The following DIP2C variants were observed in gnomAD, a reference collection of about 807,000 sequenced individuals.
DIP2C encodes the protein DIP2 acetate--CoA ligase C (putative).
DIP2C carries 33 observed loss-of-function variants against 192.4 expected under a neutral mutation model. The ratio of observed to expected loss-of-function variants is 0.17; its 90% CI spans 0.13 to 0.23. DIP2C has a LOEUF of 0.23. Among genes scored for constraint, DIP2C ranks in the 10% least tolerant of loss-of-function variants. The pLI, the probability that DIP2C is intolerant of heterozygous loss-of-function variation, is 1.00. For synonymous variants in DIP2C, 979 were observed against 864.1 expected (o/e 1.13, Z -2.33); for missense variants, 1,537 against 2,110.1 (o/e 0.73, Z 5.32).
intron 21 of DIP2C, among the ~76,000 whole-genome samples, chr10:362,947 C>T (rs1490969489): frequency 6.6e-6 from 1 of 152,116 alleles, no homozygotes; most frequent in African/African-American, 2.4e-5. Flanking sequence ...TTCTCAAGAT[C>T]AAACAAAAAG....
rs1182198278 is a variant in DIP2C at position 523,346 on chromosome 10, CCT to C, written c.86-36818_86-36817del. On this transcript the variant is annotated intron_variant, in intron 1 of 36. Coordinates refer to ENST00000280886, the MANE Select transcript of DIP2C (RefSeq NM_014974.3). ...CTCGTTTCTACCGGATGCAAAGGAC[CCT>C]GGAGTGACGATGCAGGGACTCTGTG... is the stretch of plus-strand genomic sequence containing the variant. Among the ~76,000 whole-genome samples the C allele has an allele frequency of 3.2e-3, 463 of 146,706 alleles. 1 individual carries two copies. The highest frequency in any genetic ancestry group is 7.9e-3 in the Middle Eastern group (2 of 252).
At position 360,170 on chromosome 10, in the gene DIP2C, G is replaced by C. The variant is rs148052680; in HGVS notation, c.2795-2233C>G. ...CATCTCCACGTGCATCCTCTGAATG[G>C]AAGTTTGGGACCTTGAATGCCTCCC... On this transcript the variant is annotated intron_variant, in intron 22 of 36. Coordinates refer to ENST00000280886, the MANE Select transcript of DIP2C (RefSeq NM_014974.3). Among the ~76,000 whole-genome samples the C allele has an allele frequency of 3.4e-3, 523 of 152,310 alleles. 2 individuals carry two copies. Among genetic ancestry groups the C allele is most frequent in the South Asian group, 0.014 (69 of 4,824 alleles).
At chr10:333,962 A>G (rs757219456) in intron 29 of DIP2C, among the ~76,000 whole-genome samples, 3 of 152,086 alleles carry the variant, frequency 2.0e-5, no homozygotes, top group Non-Finnish European at 2.9e-5. Flanking sequence ...TGAGATATCT[A>G]TTCAGATCTC....
intron 24 of DIP2C, among the ~76,000 whole-genome samples, chr10:351,399 G>T (rs1421197105): frequency 6.6e-6 from 1 of 152,212 alleles, no homozygotes; most frequent in Non-Finnish European, 1.5e-5. Flanking sequence ...TGTGGGGAAA[G>T]TATACTCTCC....
chr10:544,489 T>C (rs974446545), intron 1 of DIP2C, among the ~76,000 whole-genome samples: 4 of 152,218 alleles, frequency 2.6e-5, no homozygotes, highest in African/African-American at 7.2e-5. Flanking sequence ...ATTTTATGCT[T>C]AACTTTTCTG....
At chr10:284,793 G>C (rs991054494) in intron 34 of DIP2C, among the ~76,000 whole-genome samples, 1 of 152,100 alleles carries the variant, frequency 6.6e-6, no homozygotes, top group Non-Finnish European at 1.5e-5. Flanking sequence ...ACTCGGTCGT[G>C]GTAACTGTTT....
chr10:281,358 A>G (rs746840256), intron 35 of DIP2C, 35 bp from the exon 36 acceptor site: 2 of 1,576,896 alleles, frequency 1.3e-6, no homozygotes, highest in East Asian at 2.3e-5. Context: ...AAGCTTCCCC[A>G]TAATGCCGCT....
intron 1 of DIP2C, among the ~76,000 whole-genome samples, chr10:540,454 C>T (rs563987638): frequency 2.3e-4 from 35 of 152,306 alleles, no homozygotes; most frequent in African/African-American, 7.7e-4. Flanking sequence ...AGAGCAAAAC[C>T]TAAAACACTT....
chr10:429,255 C>A (rs1264859792), intron 4 of DIP2C, among the ~76,000 whole-genome samples: 2 of 18,914 alleles, frequency 1.1e-4, no homozygotes. Context: ...TGCCTCCCCC[C>A]CGGACCCTGG....
rs542903128 is a variant in DIP2C at position 277,989 on chromosome 10, G to T, written c.4419-412C>A. On this transcript the variant is annotated intron_variant, in intron 36 of 36. Coordinates refer to ENST00000280886, the MANE Select transcript of DIP2C (RefSeq NM_014974.3). ...GGCAGCCCTGTGCCTCCTGCTTCCAGACCCCCAGCTCTGCTGCTGAGGGCC... is the reference window on the plus strand; with the variant it reads ...GGCAGCCCTGTGCCTCCTGCTTCCATACCCCCAGCTCTGCTGCTGAGGGCC... 5.9e-5 allele frequency among the ~76,000 whole-genome samples: 9 copies of T among 152,312 alleles called. No homozygotes were observed. In the South Asian group the frequency reaches 1.9e-3, roughly 32 times the overall value.
intron 4 of DIP2C, among the ~76,000 whole-genome samples, chr10:439,090 C>A (rs1344993374): frequency 1.3e-5 from 2 of 152,198 alleles, no homozygotes; most frequent in African/African-American, 4.8e-5. Context: ...AAGCCATACG[C>A]CTGCCCTGGA....
intron 17 of DIP2C, among the ~76,000 whole-genome samples, chr10:371,840 T>TG (rs1171172888): frequency 2.6e-5 from 4 of 152,242 alleles, no homozygotes; most frequent in African/African-American, 9.6e-5. Context: ...GACAAGTTTC[T>TG]GTTGTTTAAA....
intron 1 of DIP2C, among the ~76,000 whole-genome samples, chr10:678,333 G>T (rs561553990): frequency 2.2e-4 from 34 of 152,232 alleles, no homozygotes; most frequent in Admixed American, 1.9e-3. Flanking sequence ...ACTAAAAGGG[G>T]CCACCAGGAA....
rs547645161 is a variant in DIP2C, at chr10:409,038, CA to C, written c.1058-22del. ...CTTGCCTATGAATACAAATCACAGA[CA>C]AATGTGCGTATTAAACCATACGGAG... On this transcript the variant is annotated intron_variant, in intron 8 of 36. Coordinates refer to ENST00000280886, the MANE Select transcript of DIP2C (RefSeq NM_014974.3). 2.1e-3 allele frequency: 3,453 copies of C among 1,612,390 alleles called. 19 individuals are homozygous for C. Among genetic ancestry groups the C allele is most frequent in the Middle Eastern group, 0.015 (91 of 6,058 alleles).
intron 16 of DIP2C, among the ~76,000 whole-genome samples, chr10:383,506 T>TA (rs1445261346): frequency 2.6e-5 from 4 of 152,382 alleles, no homozygotes; most frequent in Non-Finnish European, 5.9e-5. Flanking sequence ...GTGGAGCTGC[T>TA]AATTTACTTT....
chr10:511,815 G>T (rs941531176), intron 1 of DIP2C, among the ~76,000 whole-genome samples: 1 of 152,228 alleles, frequency 6.6e-6, no homozygotes, highest in Admixed American at 6.5e-5. Flanking sequence ...ACATATTTAA[G>T]GACTTCATTA....
rs997849203 is a variant in DIP2C, at chr10:556,494, ACT to A, written c.86-69966_86-69965del. 6.6e-4 allele frequency among the ~76,000 whole-genome samples: 99 copies of A among 149,586 alleles called. 1 individual carries two copies. Among genetic ancestry groups the A allele is most frequent in the African/African-American group, 2.2e-3 (87 of 40,426 alleles). On this transcript the variant is annotated intron_variant, in intron 1 of 36. Transcript: ENST00000280886. ...CACACGCCCTGGCAGCGGCCACCTG[ACT>A]CTACCAGGACATTTTGGAGGTTCCT...
intron 1 of DIP2C, among the ~76,000 whole-genome samples, chr10:517,927 T>C (rs746001187): frequency 1.3e-5 from 2 of 152,204 alleles, no homozygotes; most frequent in African/African-American, 4.8e-5. Flanking sequence ...CACAAAGTAT[T>C]TTGACTTGAG....
intron 1 of DIP2C, among the ~76,000 whole-genome samples, chr10:626,047 T>C (rs1854180816): frequency 6.6e-6 from 1 of 152,180 alleles, no homozygotes; most frequent in Non-Finnish European, 1.5e-5. Context: ...TACAAAGTGT[T>C]CCCAGAAGGT....
Sources: gnomAD v4.1 joint callset for allele counts (sites outside exome capture counted in the v4.1 genomes callset) on GRCh38, gnomAD v4.1.1 for gene constraint, MANE v1.5 for transcripts, NCBI Gene and HGNC (gene_info 2026-07-23, HGNC 2026-07-21) for gene names.